Variants in JAKMIP1 observed in about 807,000 individuals in gnomAD.
The protein encoded by JAKMIP1 is janus kinase and microtubule-interacting protein 1.
Under a neutral mutation model 113.0 loss-of-function variants are expected in JAKMIP1, and 33 were observed. The observed-to-expected ratio is 0.29, with a 90% CI of 0.22 to 0.39. JAKMIP1 has a LOEUF of 0.39. Among genes scored for constraint, JAKMIP1 ranks in the 10% least tolerant of loss-of-function variants. The pLI, the probability that JAKMIP1 is intolerant of heterozygous loss-of-function variation, is 1.00. For synonymous variants in JAKMIP1, 480 were observed against 459.9 expected (o/e 1.04, Z -0.56); for missense variants, 813 against 1,080.5 (o/e 0.75, Z 3.47).
chr4:6,100,244 C>T (rs1000153319), intron 3 of JAKMIP1, among the ~76,000 whole-genome samples: 1 of 152,184 alleles, frequency 6.6e-6, no homozygotes, highest in African/African-American at 2.4e-5. Flanking sequence ...AGCTAATCTC[C>T]ATTCCAACTA....
rs1186680578 is a variant in JAKMIP1 at position 6,031,476 on chromosome 4, C to T, written c.2380-1695G>A. The stretch of plus-strand genomic sequence containing the variant: ...GTATCGTGCCGTGGGCTGGAGGAGA[C>T]GTGGAACCCAGCAGGGTTAGTTCAC... On this transcript the variant is annotated intron_variant, in intron 19 of 20. Transcript: ENST00000409021. The surrounding 1 kb of genome is among the most constrained non-coding windows in gnomAD (Gnocchi z 4.4). 1.3e-5 allele frequency among the ~76,000 whole-genome samples: 2 copies of T among 151,952 alleles called. No homozygotes were observed. The highest frequency in any genetic ancestry group is 2.4e-5 in the African/African-American group (1 of 41,378).
chr4:6,029,909 C>T lies in JAKMIP1; in HGVS notation c.2380-128G>A, dbSNP rs893321401. 3 of 680,974 alleles carry T rather than the reference C, an allele frequency of 4.4e-6. No homozygotes were observed. In the African/African-American group the frequency reaches 5.3e-5, roughly 12 times the overall value. 42.2% of individuals were successfully genotyped at this position (680,974 alleles called of 1,614,324 possible). On this transcript the variant is annotated intron_variant, in intron 19 of 20. Transcript: ENST00000409021. ...CCAACACTGTGGGCAGCCTGATGAGCTCTGATACATGCACAAGCCCATGTC... is the reference window on the plus strand; with the variant it reads ...CCAACACTGTGGGCAGCCTGATGAGTTCTGATACATGCACAAGCCCATGTC...
chr4:6,160,136 A>G (rs1254606417), intron 1 of JAKMIP1, among the ~76,000 whole-genome samples: 3 of 152,306 alleles, frequency 2.0e-5, no homozygotes, highest in East Asian at 3.9e-4. Context: ...AGAACTGAGG[A>G]AACAGGAGAG....
chr4:6,081,154 C>G lies in JAKMIP1; in HGVS notation c.1101+455G>C, dbSNP rs1474487640. Among the ~76,000 whole-genome samples, 1 of 152,150 alleles carries G rather than the reference C, an allele frequency of 6.6e-6. No individual in the cohort carries two copies. Among genetic ancestry groups the G allele is most frequent in the Admixed American group, 6.5e-5 (1 of 15,284 alleles). On this transcript the variant is annotated intron_variant, in intron 6 of 20. Coordinates refer to ENST00000409021, the MANE Select transcript of JAKMIP1 (RefSeq NM_001099433.2). The surrounding 1 kb of genome is among the most constrained non-coding windows in gnomAD (Gnocchi z 4.6). The stretch of plus-strand genomic sequence containing the variant: ...AAACTGTCAACTACAAGACGCCTGC[C>G]CTGACCACAAACACCAGGCATCCTA...
intron 1 of JAKMIP1, among the ~76,000 whole-genome samples, chr4:6,113,967 G>A (rs891570875): frequency 3.3e-5 from 5 of 152,186 alleles, no homozygotes; most frequent in African/African-American, 1.2e-4. Context: ...AGAGTCATGA[G>A]GCACCCATCA....
At position 6,093,765 on chromosome 4, in the gene JAKMIP1, G is replaced by A. The variant is rs139862201; in HGVS notation, c.625-8136C>T. ...CCAGAGAGGAATGATGCTTACTTGG[G>A]AAGAGGTCACTTTCCTCAAAGAAGG... On this transcript the variant is annotated intron_variant, in intron 3 of 20. Transcript: ENST00000409021. This position sits in a 1 kb window ranked among gnomAD's most constrained non-coding sequence, Gnocchi z 4.6. Among the ~76,000 whole-genome samples the A allele has an allele frequency of 5.3e-5, 8 of 152,254 alleles. No homozygotes were observed. The highest frequency in any genetic ancestry group is 1.2e-4 in the Non-Finnish European group (8 of 68,006).
intron 1 of JAKMIP1, among the ~76,000 whole-genome samples, chr4:6,144,377 C>T (rs928200605): frequency 1.3e-5 from 2 of 152,230 alleles, no homozygotes; most frequent in Non-Finnish European, 2.9e-5. Context: ...CTTCTCAACT[C>T]ATTCTGTGAA....
chr4:6,068,704 C>T (rs539418247), intron 8 of JAKMIP1, among the ~76,000 whole-genome samples: 16 of 151,898 alleles, frequency 1.1e-4, no homozygotes, highest in Non-Finnish European at 2.2e-4. Flanking sequence ...ATTACAGGTG[C>T]GTGCCACCAC....
At chr4:6,115,869 G>T (rs1277853028) in intron 1 of JAKMIP1, among the ~76,000 whole-genome samples, 1 of 152,192 alleles carries the variant, frequency 6.6e-6, no homozygotes, top group Non-Finnish European at 1.5e-5. Context: ...AACTCTTTGG[G>T]CTGCCGGTGG....
chr4:6,042,227 A>G lies in JAKMIP1; in HGVS notation c.2029T>C (p.Trp677Arg), dbSNP rs1284881536. The G allele has an allele frequency of 6.2e-7, 1 of 1,613,472 alleles. No homozygotes were observed. The highest frequency in any genetic ancestry group is 1.7e-5 in the Admixed American group (1 of 60,014). ...TCGGTCCCCTCTATTTGCTTCAGCC[A>G]CTAGAAAACAGCAGGGACAGGACGG... ...AGTVLALCEK[W>R]LKQIEGTEAA... The change falls in exon 17 of 21, where the codon TGG becomes CGG. Residue 677 changes from tryptophan (W) to arginine (R), a missense_variant and splice_region_variant. This residue lies in a region of JAKMIP1 where 273 missense variants were observed against 426.6 expected (regional missense o/e 0.64). Transcript: ENST00000409021. This position sits in a 1 kb window ranked among gnomAD's most constrained non-coding sequence, Gnocchi z 5.2.
intron 1 of JAKMIP1, among the ~76,000 whole-genome samples, chr4:6,171,976 T>C (rs1183864173): frequency 6.6e-6 from 1 of 152,136 alleles, no homozygotes; most frequent in Non-Finnish European, 1.5e-5. Context: ...AAGCAACAAC[T>C]AACAGAAAGC....
intron 8 of JAKMIP1, among the ~76,000 whole-genome samples, chr4:6,071,520 C>T (rs535458934): frequency 3.3e-5 from 5 of 152,336 alleles, no homozygotes; most frequent in South Asian, 2.1e-4. Context: ...TCACTCCTGG[C>T]GCTGGGGTTT....
intron 11 of JAKMIP1, among the ~76,000 whole-genome samples, chr4:6,057,155 T>C (rs1185804324): frequency 2.0e-5 from 3 of 152,218 alleles, no homozygotes; most frequent in Non-Finnish European, 4.4e-5. Flanking sequence ...TGCGATGCCC[T>C]TCCCACGTTT....
At position 6,158,442 on chromosome 4, in the gene JAKMIP1, C is replaced by T. The variant is rs1460488777; in HGVS notation, c.-148+41811G>A. On this transcript the variant is annotated intron_variant, in intron 1 of 20. Coordinates refer to ENST00000409021, the MANE Select transcript of JAKMIP1 (RefSeq NM_001099433.2). This position sits in a 1 kb window ranked among gnomAD's most constrained non-coding sequence, Gnocchi z 5.3. ...GACCCCTGCGATGTTCACCTGGCCACCCACAGCACAGGCCTGGCTGGATGA... is the reference window on the plus strand; with the variant it reads ...GACCCCTGCGATGTTCACCTGGCCATCCACAGCACAGGCCTGGCTGGATGA... 1.3e-5 allele frequency among the ~76,000 whole-genome samples: 2 copies of T among 152,160 alleles called. No homozygotes were observed. Among genetic ancestry groups the T allele is most frequent in the Non-Finnish European group, 2.9e-5 (2 of 68,034 alleles).
rs1308713974 is a variant in JAKMIP1 at position 6,199,758 on chromosome 4, C to G, written c.-148+495G>C. Among the ~76,000 whole-genome samples, 1 of 151,490 alleles carries G rather than the reference C, an allele frequency of 6.6e-6. No individual in the cohort carries two copies. Among genetic ancestry groups the G allele is most frequent in the African/African-American group, 2.4e-5 (1 of 41,330 alleles). On this transcript the variant is annotated intron_variant, in intron 1 of 20. Coordinates refer to ENST00000409021, the MANE Select transcript of JAKMIP1 (RefSeq NM_001099433.2). This position sits in a 1 kb window ranked among gnomAD's most constrained non-coding sequence, Gnocchi z 5.6. ...CGCCGCCGGGGCGCGGCCCCCAGCT[C>G]CATCTTCTTTGCCACCTGGGCGGAG...
rs1051015917 is a variant in JAKMIP1, at chr4:6,076,074, G to C, written c.1302+2865C>G. 2.0e-5 allele frequency among the ~76,000 whole-genome samples: 3 copies of C among 152,192 alleles called. No individual in the cohort carries two copies. On this transcript the variant is annotated intron_variant, in intron 8 of 20. Transcript: ENST00000409021. This position sits in a 1 kb window ranked among gnomAD's most constrained non-coding sequence, Gnocchi z 4.8. ...GCCTGTAATCTCGGCTACTTGGGAG[G>C]CTGAGGCAGGAGAATCGCTTGAACC...
intron 3 of JAKMIP1, among the ~76,000 whole-genome samples, chr4:6,103,696 T>A (rs1713449019): frequency 6.6e-6 from 1 of 152,220 alleles, no homozygotes. Flanking sequence ...TAGGACTACT[T>A]AGATTTTCTA....
Position 6,042,302 on chromosome 4 carries a change from T to C in JAKMIP1, c.2029-75A>G. On this transcript the variant is annotated intron_variant, in intron 16 of 20. Transcript: ENST00000409021. This position sits in a 1 kb window ranked among gnomAD's most constrained non-coding sequence, Gnocchi z 5.2. ...CCAAGGGGCTGTGGAATTTCACAGG[T>C]GTGTGAATTTCATAGATCGGCTTCC... 1 of 1,192,442 alleles carries C rather than the reference T, an allele frequency of 8.4e-7. No homozygotes were observed. The highest frequency in any genetic ancestry group is 1.2e-5 in the South Asian group (1 of 82,202). The allele number at this position is 1,192,442 out of a possible 1,614,324, so 73.9% of individuals were successfully genotyped here.
At chr4:6,119,570 C>CAA (rs142605287) in intron 1 of JAKMIP1, among the ~76,000 whole-genome samples, 63 of 128,502 alleles carry the variant, frequency 4.9e-4, no homozygotes, top group African/African-American at 1.4e-3. Context: ...ACAACAACAA[C>CAA]AAAAAAAAAC....
Sources: gnomAD v4.1 joint callset for allele counts (sites outside exome capture counted in the v4.1 genomes callset) on GRCh38, gnomAD v4.1.1 for gene constraint, gnomAD v4.1.1 regional missense constraint, Gnocchi (gnomAD v3.1) non-coding constraint, MANE v1.5 for transcripts, NCBI Gene and HGNC (gene_info 2026-07-23, HGNC 2026-07-21) for gene names.